EPHA3: variants seen among roughly 807,000 people sequenced by gnomAD.
EPHA3 encodes ephrin type-A receptor 3.
A neutral mutation model predicts 107.1 loss-of-function variants in EPHA3; 42 were observed. The ratio of observed to expected loss-of-function variants is 0.39; its 90% confidence interval spans 0.31 to 0.51. The LOEUF is 0.51. Among genes scored for constraint, EPHA3 ranks in the 20% least tolerant of loss-of-function variants. EPHA3 has a pLI of 0.78. For missense variants in EPHA3, 1,183 were observed against 1,211.2 expected (o/e 0.98, Z 0.35); for synonymous variants, 461 against 424.8 (o/e 1.09, Z -1.05).
chr3:89,269,960 T>C (rs1454192218), intron 3 of EPHA3, among the ~76,000 whole-genome samples: 1 of 151,876 alleles, frequency 6.6e-6, no homozygotes, highest in African/African-American at 2.4e-5. Flanking sequence ...GGTGTGTGGC[T>C]TCAAATCACT....
chr3:89,416,168 A>C (rs1368578270), intron 10 of EPHA3, among the ~76,000 whole-genome samples: 2 of 151,450 alleles, frequency 1.3e-5, no homozygotes, highest in Non-Finnish European at 1.5e-5. Flanking sequence ...TAGCATAAGA[A>C]ATTTTATTTT....
At chr3:89,317,135 AG>A (rs1383129911) in intron 3 of EPHA3, among the ~76,000 whole-genome samples, 2 of 151,850 alleles carry the variant, frequency 1.3e-5, no homozygotes, top group African/African-American at 4.8e-5. Context: ...CCATAATTAA[AG>A]GAAAAATGTT....
intron 3 of EPHA3, among the ~76,000 whole-genome samples, chr3:89,305,994 A>G (rs1184232027): frequency 6.6e-6 from 1 of 152,192 alleles, no homozygotes; most frequent in Non-Finnish European, 1.5e-5. Context: ...AATGGAGTCA[A>G]TAGGTAAGCC....
chr3:89,391,954 A>C (rs1708752866), intron 5 of EPHA3, among the ~76,000 whole-genome samples: 1 of 152,190 alleles, frequency 6.6e-6, no homozygotes, highest in African/African-American at 2.4e-5. Context: ...AAATTTGCTA[A>C]AAATTATTAC....
At chr3:89,266,441 C>T (rs1372387250) in intron 3 of EPHA3, among the ~76,000 whole-genome samples, 1 of 152,124 alleles carries the variant, frequency 6.6e-6, no homozygotes, top group East Asian at 1.9e-4. Context: ...TTCTGTTTCA[C>T]ATTTTAGTGT....
intron 1 of EPHA3, among the ~76,000 whole-genome samples, chr3:89,124,428 A>C (rs1426658983): frequency 1.3e-5 from 2 of 152,140 alleles, no homozygotes; most frequent in African/African-American, 2.4e-5. Context: ...CAATTAAGTA[A>C]CAATTCACTT....
At chr3:89,364,638 TATCTTGGCCTC>T (rs1318587259) in intron 5 of EPHA3, among the ~76,000 whole-genome samples, 4 of 151,294 alleles carry the variant, frequency 2.6e-5, no homozygotes, top group Non-Finnish European at 4.4e-5. Context: ...ATACTAATAT[TATCTTGGCCTC>T]AAAAAGGCAA....
chr3:89,302,981 G>C (rs1289862742), intron 3 of EPHA3, among the ~76,000 whole-genome samples: 1 of 151,898 alleles, frequency 6.6e-6, no homozygotes, highest in Non-Finnish European at 1.5e-5. Context: ...CAACCTTGAC[G>C]CCCTGAGCTC....
chr3:89,417,800 T>C (rs538238021), intron 10 of EPHA3, among the ~76,000 whole-genome samples: 2 of 151,526 alleles, frequency 1.3e-5, no homozygotes, highest in African/African-American at 4.8e-5. Context: ...TTTTATACTG[T>C]ATGCAATACA....
intron 3 of EPHA3, among the ~76,000 whole-genome samples, chr3:89,280,175 A>C (rs541726953): frequency 5.3e-5 from 8 of 152,262 alleles, no homozygotes; most frequent in Admixed American, 3.3e-4. Context: ...TTCCTGCAAA[A>C]ATAGATTTAT....
chr3:89,345,571 T>C (rs1013219006), intron 5 of EPHA3, among the ~76,000 whole-genome samples: 2 of 150,950 alleles, frequency 1.3e-5, no homozygotes, highest in African/African-American at 2.4e-5. Context: ...GCAGATATTA[T>C]GACCTTTTCC....
intron 3 of EPHA3, among the ~76,000 whole-genome samples, chr3:89,228,939 C>T (rs1704563503): frequency 6.6e-6 from 1 of 151,948 alleles, no homozygotes; most frequent in East Asian, 1.9e-4. Context: ...ATATCCTCAA[C>T]TTTCATATGT....
At chr3:89,433,925 C>T (rs1480795394) in intron 13 of EPHA3, among the ~76,000 whole-genome samples, 1 of 152,136 alleles carries the variant, frequency 6.6e-6, no homozygotes, top group African/African-American at 2.4e-5. Flanking sequence ...TCAGTAGACA[C>T]TATATGCAGC....
intron 13 of EPHA3, among the ~76,000 whole-genome samples, chr3:89,437,392 A>G (rs1709693908): frequency 6.6e-6 from 1 of 152,150 alleles, no homozygotes; most frequent in Non-Finnish European, 1.5e-5. Context: ...ATTTAGCTCC[A>G]CAAATTTAAA....
intron 3 of EPHA3, among the ~76,000 whole-genome samples, chr3:89,334,329 T>G (rs1707351120): frequency 6.6e-6 from 1 of 152,216 alleles, no homozygotes; most frequent in Admixed American, 6.5e-5. Flanking sequence ...GGAAAGAATT[T>G]CATTTCCTTG....
At chr3:89,316,047 G>A (rs557493488) in intron 3 of EPHA3, among the ~76,000 whole-genome samples, 2 of 151,812 alleles carry the variant, frequency 1.3e-5, no homozygotes, top group African/African-American at 4.8e-5. Context: ...AATGTAAAAG[G>A]CACTCCTTGA....
At chr3:89,413,378 C>A in intron 10 of EPHA3, 112 bp downstream of exon 10, 3 of 1,347,470 alleles carry the variant, frequency 2.2e-6, no homozygotes, top group South Asian at 1.2e-5. Flanking sequence ...ATTTCATGAT[C>A]AAAGGCAAGT....
At position 89,347,929 on chromosome 3, in the gene EPHA3, G is replaced by A. The variant is rs1707711799; in HGVS notation, c.1306+5839G>A. Among the ~76,000 whole-genome samples, 3 of 151,240 alleles carry A rather than the reference G, an allele frequency of 2.0e-5. No individual in the cohort carries two copies. In the Admixed American group the frequency reaches 2.0e-4, roughly 10 times the overall value. On this transcript the variant is annotated intron_variant, in intron 5 of 16. Transcript: ENST00000336596. ...TGCTGGATTACATTTATTGATTTGT[G>A]TATATTGGACCAGCCTTGCATCCCA...
intron 3 of EPHA3, among the ~76,000 whole-genome samples, chr3:89,254,967 T>C (rs1347976798): frequency 1.3e-5 from 2 of 152,234 alleles, no homozygotes; most frequent in Non-Finnish European, 2.9e-5. Context: ...AGGAGACTTC[T>C]GTTATAATAT....
Sources: allele counts gnomAD v4.1 joint callset (sites outside exome capture counted in the v4.1 genomes callset), GRCh38; gene constraint gnomAD v4.1.1; transcripts MANE v1.5; gene names NCBI Gene and HGNC (gene_info 2026-07-23, HGNC 2026-07-21).